GLRB: variants seen among roughly 807,000 people sequenced by gnomAD.
The protein encoded by GLRB is glycine receptor subunit beta.
GLRB carries 33 observed loss-of-function variants against 54.2 expected under a neutral mutation model. That is an observed-to-expected ratio of 0.61 (90% confidence interval 0.46 to 0.81). GLRB has a LOEUF of 0.81. GLRB is among the 40% of genes least tolerant of loss of function. The probability of loss-of-function intolerance (pLI) is 0.00; values close to 1 mark genes in which losing one functional copy is unlikely to be tolerated. For synonymous variants in GLRB, 209 were observed against 208.2 expected (o/e 1.00, Z -0.03); for missense variants, 572 against 584.6 (o/e 0.98, Z 0.22).
chr4:157,102,822 G>A (rs953441911), intron 2 of GLRB, among the ~76,000 whole-genome samples: 5 of 152,128 alleles, frequency 3.3e-5, no homozygotes, highest in African/African-American at 9.7e-5. Flanking sequence ...GTTCACCTTG[G>A]GGCGGAGACT....
intron 2 of GLRB, among the ~76,000 whole-genome samples, chr4:157,106,911 C>A (rs536594163): frequency 6.6e-6 from 1 of 152,002 alleles, no homozygotes; most frequent in South Asian, 2.1e-4. Flanking sequence ...TAAAGGTTTG[C>A]GGCAACCTGC....
intron 2 of GLRB, among the ~76,000 whole-genome samples, chr4:157,116,028 C>T (rs1308377665): frequency 6.6e-6 from 1 of 151,718 alleles, no homozygotes; most frequent in Non-Finnish European, 1.5e-5. Flanking sequence ...TGAAACTGTG[C>T]ACTGTGGTCA....
chr4:157,103,631 T>C (rs1017436874), intron 2 of GLRB, among the ~76,000 whole-genome samples: 2 of 152,184 alleles, frequency 1.3e-5, no homozygotes. Flanking sequence ...CTGATCCTTT[T>C]GGGTAGTATG....
At chr4:157,153,180 T>A (rs370794695) in intron 9 of GLRB, among the ~76,000 whole-genome samples, 170 bp downstream of exon 9, 1 of 152,308 alleles carries the variant, frequency 6.6e-6, no homozygotes, top group South Asian at 2.1e-4. Flanking sequence ...ACGTGCTTTT[T>A]AGAAAACATT....
In GLRB at chr4:157,171,108, T is replaced by G. The variant is rs1411016490; in HGVS notation, c.*380T>G. 6.4e-6 allele frequency: 1 copy of G among 155,728 alleles called. No individual in the cohort carries two copies. The highest frequency in any genetic ancestry group is 1.4e-5 in the Non-Finnish European group (1 of 70,202). 9.6% of individuals were successfully genotyped at this position (155,728 alleles called of 1,614,324 possible). On this transcript the variant is annotated 3_prime_UTR_variant, in exon 10 of 10. Transcript: ENST00000264428. ...TTCTAATGTATGTAGTATTTCAAATTTCCTTCCTTGTAACTTTCAAAGAAA... is the reference window on the plus strand; with the variant it reads ...TTCTAATGTATGTAGTATTTCAAATGTCCTTCCTTGTAACTTTCAAAGAAA...
chr4:157,092,411 A>G (rs1197745347), intron 2 of GLRB, among the ~76,000 whole-genome samples: 1 of 152,224 alleles, frequency 6.6e-6, no homozygotes, highest in Non-Finnish European at 1.5e-5. Context: ...GTAATATTCT[A>G]CAAGTTGGAT....
chr4:157,087,234 T>G (rs1024768287), intron 2 of GLRB, among the ~76,000 whole-genome samples: 1 of 152,164 alleles, frequency 6.6e-6, no homozygotes, highest in Non-Finnish European at 1.5e-5. Flanking sequence ...AAACATATAT[T>G]GTTTAAAATT....
In GLRB at chr4:157,157,998, C is replaced by G. The variant is rs1365346155; in HGVS notation, c.1197+4988C>G. 5.9e-5 allele frequency among the ~76,000 whole-genome samples: 9 copies of G among 152,286 alleles called. No individual in the cohort carries two copies. In the South Asian group the frequency reaches 1.9e-3, roughly 32 times the overall value. ...TATTTCTCCACATCCTCTCCAGCAC[C>G]TGTTGTTTCCTGACTTTAATGATCA... is the stretch of plus-strand genomic sequence containing the variant. On this transcript the variant is annotated intron_variant, in intron 9 of 9. Coordinates refer to ENST00000264428, the MANE Select transcript of GLRB (RefSeq NM_000824.5).
At chr4:157,127,376 C>T (rs1456985273) in intron 4 of GLRB, among the ~76,000 whole-genome samples, 1 of 151,494 alleles carries the variant, frequency 6.6e-6, no homozygotes, top group Non-Finnish European at 1.5e-5. Context: ...ATTTATTTTT[C>T]TCATGTTATT....
chr4:157,110,206 A>T (rs1735368190), intron 2 of GLRB, among the ~76,000 whole-genome samples: 1 of 152,022 alleles, frequency 6.6e-6, no homozygotes, highest in African/African-American at 2.4e-5. Flanking sequence ...TACAGAAGAC[A>T]TTCATCACTC....
At chr4:157,106,953 A>T (rs752876618) in intron 2 of GLRB, among the ~76,000 whole-genome samples, 4 of 151,846 alleles carry the variant, frequency 2.6e-5, no homozygotes, top group Non-Finnish European at 4.4e-5. Context: ...CATTTTTCCA[A>T]CAGCTTGTGT....
chr4:157,147,833 T>C (rs563113722), intron 8 of GLRB, among the ~76,000 whole-genome samples: 1 of 152,336 alleles, frequency 6.6e-6, no homozygotes, highest in South Asian at 2.1e-4. Context: ...TCAATGAACC[T>C]TCATTTGAGG....
At chr4:157,128,547 T>C (rs961895645) in intron 4 of GLRB, among the ~76,000 whole-genome samples, 1 of 151,856 alleles carries the variant, frequency 6.6e-6, no homozygotes, top group African/African-American at 2.4e-5. Context: ...AATAGAAGTG[T>C]ATTGGATGCT....
chr4:157,104,002 ATACAGAGACAATTCACTTCTT>A (rs1735133337), intron 2 of GLRB, among the ~76,000 whole-genome samples: 1 of 152,014 alleles, frequency 6.6e-6, no homozygotes, highest in South Asian at 2.1e-4. Context: ...TGCCATTGGC[ATACAGAGACAATTCACTTCTT>A]TATTTCTGAC....
At chr4:157,087,891 A>G (rs530329781) in intron 2 of GLRB, among the ~76,000 whole-genome samples, 1 of 152,244 alleles carries the variant, frequency 6.6e-6, no homozygotes, top group Admixed American at 6.5e-5. Context: ...TGAAATAGAC[A>G]TATCATTGCT....
chr4:157,131,434 C>A (rs1039663925), intron 4 of GLRB, among the ~76,000 whole-genome samples: 1 of 151,662 alleles, frequency 6.6e-6, no homozygotes, highest in Non-Finnish European at 1.5e-5. Flanking sequence ...TAGACGTTAT[C>A]CTCCAAAGTT....
At chr4:157,143,629 A>ACCAGTTTCCATAACCAGATCCATAAAC (rs1736695901) in intron 7 of GLRB, among the ~76,000 whole-genome samples, 178 bp from the exon 8 acceptor site, 1 of 152,180 alleles carries the variant, frequency 6.6e-6, no homozygotes, top group African/African-American at 2.4e-5. Flanking sequence ...TGGTTCCATA[A>ACCAGTTTCCATAACCAGATCCATAAAC]TGTCACCCTT....
intron 4 of GLRB, among the ~76,000 whole-genome samples, chr4:157,130,652 A>C (rs2126552894): frequency 6.6e-6 from 1 of 151,632 alleles, no homozygotes; most frequent in South Asian, 2.1e-4. Flanking sequence ...TTTATCTGTT[A>C]ATGGACATGG....
chr4:157,123,306 A>G (rs1439439219), intron 4 of GLRB, among the ~76,000 whole-genome samples: 1 of 151,722 alleles, frequency 6.6e-6, no homozygotes, highest in African/African-American at 2.4e-5. Flanking sequence ...AATTTTCCTG[A>G]GAATATCTCA....
Sources: allele counts gnomAD v4.1 joint callset (sites outside exome capture counted in the v4.1 genomes callset), GRCh38; gene constraint gnomAD v4.1.1; transcripts MANE v1.5; gene names NCBI Gene and HGNC (gene_info 2026-07-23, HGNC 2026-07-21).